CDH22: variants seen among roughly 807,000 people sequenced by gnomAD.
The protein encoded by CDH22 is cadherin-22.
A neutral mutation model predicts 58.4 loss-of-function variants in CDH22; 30 were observed. That is an observed-to-expected ratio of 0.51 (90% CI 0.38 to 0.70). CDH22 has a LOEUF of 0.70. Among genes scored for constraint, CDH22 ranks in the 30% least tolerant of loss-of-function variants. The pLI is 0.00. For missense variants in CDH22, 1,014 were observed against 1,233.9 expected, an observed-to-expected ratio of 0.82 and a Z score of 2.67; for synonymous variants, 513 against 558.2, an observed-to-expected ratio of 0.92 and a Z score of 1.14.
chr20:46,250,211 C>A (rs2086360361), intron 2 of CDH22, among the ~76,000 whole-genome samples: 2 of 152,198 alleles, frequency 1.3e-5, no homozygotes, highest in Non-Finnish European at 2.9e-5. Flanking sequence ...TAGTTTCATT[C>A]ATTCATTCAT....
At chr20:46,225,362 A>G (rs538124536) in intron 4 of CDH22, among the ~76,000 whole-genome samples, 5 of 152,246 alleles carry the variant, frequency 3.3e-5, no homozygotes, top group Non-Finnish European at 7.3e-5. Flanking sequence ...TAGTGTATCC[A>G]TAACACCCAT....
chr20:46,177,214 C>T (rs2085747317), intron 11 of CDH22, among the ~76,000 whole-genome samples: 1 of 152,236 alleles, frequency 6.6e-6, no homozygotes, highest in Admixed American at 6.5e-5. Flanking sequence ...GGAATCTGCA[C>T]TTGGACCTCC....
chr20:46,227,424 A>T, intron 4 of CDH22, 84 bp downstream of exon 4: 1 of 1,299,408 alleles, frequency 7.7e-7, no homozygotes, highest in Non-Finnish European at 1.1e-6. Flanking sequence ...GAAGGCTCAG[A>T]GCAGACGTCT....
rs149095036 is a variant in CDH22, at chr20:46,190,302, C to T, written c.1424-3355G>A. Reference sequence around the variant, plus strand: ...GAGGAAACTGAGGCCCACGGAGGGGCAGGAGTTTCCCCACAGCCCTAGCGG... The same window carrying T: ...GAGGAAACTGAGGCCCACGGAGGGGTAGGAGTTTCCCCACAGCCCTAGCGG... On this transcript the variant is annotated intron_variant, in intron 8 of 11. Transcript: ENST00000537909. Among the ~76,000 whole-genome samples, 11 of 152,358 alleles carry T rather than the reference C, an allele frequency of 7.2e-5. No individual in the cohort carries two copies. The East Asian group carries it at 2.1e-3, about 29-fold the overall frequency.
At chr20:46,269,395 C>A (rs2086476775) in intron 1 of CDH22, among the ~76,000 whole-genome samples, 2 of 152,318 alleles carry the variant, frequency 1.3e-5, no homozygotes, top group South Asian at 4.1e-4. Context: ...CCCAAATCTT[C>A]CGCCAATAAA....
chr20:46,285,474 A>G (rs1189324773), intron 1 of CDH22, among the ~76,000 whole-genome samples: 1 of 152,196 alleles, frequency 6.6e-6, no homozygotes, highest in Admixed American at 6.5e-5. Flanking sequence ...TGCTACTGGC[A>G]TCTAGTGGGT....
At chr20:46,294,784 GA>G (rs1416536275) in intron 1 of CDH22, among the ~76,000 whole-genome samples, 1 of 152,184 alleles carries the variant, frequency 6.6e-6, no homozygotes, top group Admixed American at 6.5e-5. Context: ...GAGGACAACT[GA>G]AAAAACTGAG....
Position 46,251,026 on chromosome 20 carries a change from G to T in CDH22, c.255+14C>A, listed in dbSNP as rs752051785. On this transcript the variant is annotated intron_variant, in intron 2 of 11. Coordinates refer to ENST00000537909, the MANE Select transcript of CDH22 (RefSeq NM_021248.3). The surrounding 1 kb of genome is among the most constrained non-coding windows in gnomAD (Gnocchi z 6.7). ...GGTCCTGGGATCTGGAGTTGGAGTG[G>T]GGCCCCACTTTACCTTGCCCACATA... The T allele has an allele frequency of 3.8e-6, 6 of 1,573,698 alleles. No homozygotes were observed. In the Admixed American group the frequency reaches 1.0e-4, roughly 26 times the overall value.
rs1307586067 is a variant in CDH22 at position 46,210,295 on chromosome 20, C to CG, written c.1286+11dup. ...GCAGGCAGCAGGCGTCGGCCCCGGG[C>CG]GGGGGTCTCACCGGACGGGCCGGTT... On this transcript the variant is annotated intron_variant, in intron 7 of 11. Transcript: ENST00000537909. The surrounding 1 kb of genome is among the most constrained non-coding windows in gnomAD (Gnocchi z 4.5). 1.3e-5 allele frequency: 18 copies of CG among 1,401,114 alleles called. No homozygotes were observed. The highest frequency in any genetic ancestry group is 1.6e-5 in the Non-Finnish European group (17 of 1,083,928). The allele number at this position is 1,401,114 out of a possible 1,614,324, so 86.8% of individuals were successfully genotyped here.
rs1476358793 is a variant in CDH22 at position 46,186,861 on chromosome 20, C to T, written c.1510G>A (p.Glu504Lys). The T allele has an allele frequency of 6.2e-6, 10 of 1,611,522 alleles. No individual in the cohort carries two copies. The highest frequency in any genetic ancestry group is 1.3e-5 in the African/African-American group (1 of 74,860). Reference sequence around the variant, plus strand: ...TTGGCATCCTCGCATACAGCTGCCTCGTAGGGTGTGGCCAGTTCTGGGGGA... The same window carrying T: ...TTGGCATCCTCGCATACAGCTGCCTTGTAGGGTGTGGCCAGTTCTGGGGGA... ...DNPPELATPY[E>K]AAVCEDAKPG... Residue 504 changes from glutamate (E) to lysine (K), a missense_variant, in exon 9 of 12, where the codon GAG (glutamate) becomes AAG (lysine). Coordinates refer to ENST00000537909, the MANE Select transcript of CDH22 (RefSeq NM_021248.3).
chr20:46,237,788 C>G (rs2086264484), intron 3 of CDH22, among the ~76,000 whole-genome samples: 2 of 152,138 alleles, frequency 1.3e-5, no homozygotes, highest in Non-Finnish European at 2.9e-5. Flanking sequence ...TTGGATGAGT[C>G]CTTGCCCTTC....
chr20:46,223,643 T>TTC (rs1265937786), intron 4 of CDH22, among the ~76,000 whole-genome samples: 86 of 151,510 alleles, frequency 5.7e-4, no homozygotes, highest in South Asian at 2.3e-3. Flanking sequence ...CTTTCTTTCT[T>TTC]TCTTTCTCTT....
At chr20:46,185,321 T>C (rs1335694207) in intron 10 of CDH22, among the ~76,000 whole-genome samples, 2 of 152,032 alleles carry the variant, frequency 1.3e-5, no homozygotes, top group African/African-American at 2.4e-5. Flanking sequence ...CATGAGAAAC[T>C]TGTGAGAGCC....
intron 1 of CDH22, among the ~76,000 whole-genome samples, chr20:46,254,221 G>T (rs993909182): frequency 1.3e-5 from 2 of 152,140 alleles, no homozygotes; most frequent in African/African-American, 4.8e-5. Context: ...CCTCTCTTAT[G>T]CCAGTCCATG....
At chr20:46,282,517 G>T (rs935685396) in intron 1 of CDH22, among the ~76,000 whole-genome samples, 2 of 152,300 alleles carry the variant, frequency 1.3e-5, no homozygotes, top group Admixed American at 1.3e-4. Flanking sequence ...AATAAAACCT[G>T]ACAGCCAAGT....
chr20:46,203,489 G>A (rs993704364), intron 7 of CDH22, among the ~76,000 whole-genome samples: 14 of 152,222 alleles, frequency 9.2e-5, no homozygotes, highest in Non-Finnish European at 1.9e-4. Context: ...GTTGAGCAGT[G>A]GCTCAAGAGG....
At chr20:46,244,090 T>C (rs1364253396) in intron 2 of CDH22, among the ~76,000 whole-genome samples, 1 of 152,226 alleles carries the variant, frequency 6.6e-6, no homozygotes, top group Non-Finnish European at 1.5e-5. Flanking sequence ...ATGTTTACAT[T>C]GACCTAAGCA....
At chr20:46,248,064 G>C (rs2086343480) in intron 2 of CDH22, among the ~76,000 whole-genome samples, 2 of 152,212 alleles carry the variant, frequency 1.3e-5, no homozygotes, top group Admixed American at 1.3e-4. Context: ...AGGAGACCTG[G>C]TTTCTTGGGT....
At chr20:46,280,139 C>T (rs2145766256) in intron 1 of CDH22, among the ~76,000 whole-genome samples, 1 of 152,254 alleles carries the variant, frequency 6.6e-6, no homozygotes, top group East Asian at 1.9e-4. Context: ...AAAACAACAG[C>T]CCGGGTGCGG....
Sources: allele counts gnomAD v4.1 joint callset (sites outside exome capture counted in the v4.1 genomes callset), GRCh38; gene constraint gnomAD v4.1.1; non-coding constraint Gnocchi (gnomAD v3.1); transcripts MANE v1.5; gene names NCBI Gene and HGNC (gene_info 2026-07-23, HGNC 2026-07-21).